The following NUCB2 variants were observed in gnomAD, a reference collection of about 807,000 sequenced individuals.
The protein encoded by NUCB2 is nucleobindin 2.
Under a neutral mutation model 57.9 loss-of-function variants are expected in NUCB2, and 48 were observed. The observed-to-expected ratio is 0.83, with a 90% CI of 0.66 to 1.05. The LOEUF is 1.05. Among genes scored for constraint, NUCB2 ranks in the 50% least tolerant of loss-of-function variants. The pLI is 0.00. For synonymous variants in NUCB2, 139 were observed against 152.1 expected (o/e 0.91, Z 0.64); for missense variants, 442 against 476.2 (o/e 0.93, Z 0.67).
chr11:17,338,100 G>A (rs1455410955), intron 2 of NUCB2, among the ~76,000 whole-genome samples: 1 of 152,188 alleles, frequency 6.6e-6, no homozygotes, highest in Non-Finnish European at 1.5e-5. Flanking sequence ...AAGTGGTGAA[G>A]ACACCAAATT....
chr11:17,348,319 G>GTTTTTTTTTTTTTTTTTTTTTT (rs55741571), intron 2 of NUCB2, among the ~76,000 whole-genome samples: 1 of 84,450 alleles, frequency 1.2e-5, no homozygotes, highest in Non-Finnish European at 2.1e-5. Flanking sequence ...TTGTTTTTGT[G>GTTTTTTTTTTTTTTTTTTTTTT]TTTTTTTTTT....
intron 11 of NUCB2, among the ~76,000 whole-genome samples, chr11:17,319,405 T>C (rs530654203): frequency 5.9e-5 from 9 of 152,266 alleles, no homozygotes; most frequent in African/African-American, 2.2e-4. Flanking sequence ...TACCTTATTC[T>C]TTCCCTGACC....
At chr11:17,323,629 A>C (rs1461713444) in intron 11 of NUCB2, among the ~76,000 whole-genome samples, 1 of 152,138 alleles carries the variant, frequency 6.6e-6, no homozygotes, top group Non-Finnish European at 1.5e-5. Flanking sequence ...TTTTTGGAAT[A>C]GTTTGAGTAG....
In NUCB2 at chr11:17,310,924, T is replaced by A; in HGVS notation, c.583T>A (p.Leu195Met). 1 of 1,591,200 alleles carries A rather than the reference T, an allele frequency of 6.3e-7. No individual in the cohort carries two copies. Among genetic ancestry groups the A allele is most frequent in the South Asian group, 1.2e-5 (1 of 85,854 alleles). ...EHERREYLKT[L>M]NEEKRKEEES... ...TGAAAGGAGAGAATATTTAAAAACA[T>A]TGAATGAAGAAAAGAGAAAAGAAGA... Residue 195 changes from leucine (L) to methionine (M), a missense_variant, in exon 7 of 14, where the codon TTG becomes ATG. Coordinates refer to ENST00000529010, the MANE Select transcript of NUCB2 (RefSeq NM_005013.4).
intron 2 of NUCB2, among the ~76,000 whole-genome samples, chr11:17,342,206 T>C (rs536978039): frequency 2.1e-4 from 32 of 152,342 alleles, no homozygotes; most frequent in South Asian, 6.2e-4. Context: ...TTCTTCTCTC[T>C]TTTCTTCTTT....
intron 3 of NUCB2, 199 bp downstream of exon 3, chr11:17,295,666 C>G: frequency 1.8e-6 from 1 of 553,480 alleles, no homozygotes; most frequent in Non-Finnish European, 3.1e-6. Flanking sequence ...AGAGTATTGG[C>G]CAAGCATATG....
At chr11:17,290,887 T>C (rs906345855) in intron 2 of NUCB2, among the ~76,000 whole-genome samples, 4 of 152,224 alleles carry the variant, frequency 2.6e-5, no homozygotes, top group African/African-American at 9.6e-5. Flanking sequence ...TTTTTTGCTC[T>C]ATTTTTACTC....
At chr11:17,285,232 C>T (rs1016276864) in intron 2 of NUCB2, among the ~76,000 whole-genome samples, 7 of 151,928 alleles carry the variant, frequency 4.6e-5, no homozygotes, top group Non-Finnish European at 1.0e-4. Flanking sequence ...TCAAGACCAT[C>T]CTGGCTAACA....
intron 11 of NUCB2, among the ~76,000 whole-genome samples, chr11:17,329,433 TG>T (rs962780842): frequency 1.4e-4 from 22 of 152,240 alleles, no homozygotes; most frequent in African/African-American, 5.1e-4. Flanking sequence ...TCAGCCCGCA[TG>T]GTGAGGCCTG....
intron 1 of NUCB2, among the ~76,000 whole-genome samples, chr11:17,282,240 A>ATCTATCTATC (rs1206325646): frequency 3.7e-4 from 40 of 107,020 alleles, no homozygotes; most frequent in African/African-American, 1.1e-3. Context: ...ATCTATCTAT[A>ATCTATCTATC]TATATATATA....
chr11:17,345,364 AATT>A (rs1952630063), intron 2 of NUCB2, among the ~76,000 whole-genome samples: 1 of 152,196 alleles, frequency 6.6e-6, no homozygotes, highest in Admixed American at 6.5e-5. Context: ...TGTTATTACT[AATT>A]ATTGGGAGAA....
intron 11 of NUCB2, among the ~76,000 whole-genome samples, chr11:17,318,287 G>A (rs965279877): frequency 1.3e-5 from 2 of 151,466 alleles, no homozygotes; most frequent in Admixed American, 6.6e-5. Flanking sequence ...AAAGTACTGG[G>A]ATTACATATG....
At chr11:17,301,542 G>A (rs941310378) in intron 4 of NUCB2, among the ~76,000 whole-genome samples, 1 of 152,106 alleles carries the variant, frequency 6.6e-6, no homozygotes, top group Non-Finnish European at 1.5e-5. Context: ...GCCTCCCAAA[G>A]TGCTGGGATT....
At chr11:17,311,439 C>A (rs1948468290) in intron 8 of NUCB2, among the ~76,000 whole-genome samples, 156 bp downstream of exon 8, 1 of 152,156 alleles carries the variant, frequency 6.6e-6, no homozygotes, top group Admixed American at 6.5e-5. Flanking sequence ...TTATTGCTCA[C>A]CTGCAGTATA....
intron 11 of NUCB2, among the ~76,000 whole-genome samples, chr11:17,327,429 GT>G (rs2139388334): frequency 6.6e-6 from 1 of 152,280 alleles, no homozygotes; most frequent in East Asian, 1.9e-4. Flanking sequence ...TCTGACGTGA[GT>G]TAAATCTGCT....
chr11:17,278,170 CTTTTTTTTTTTTT>C (rs35441492), intron 1 of NUCB2, among the ~76,000 whole-genome samples: 7 of 85,130 alleles, frequency 8.2e-5, no homozygotes, highest in Admixed American at 1.6e-4. Flanking sequence ...TTTTACCCAT[CTTTTTTTTTTTTT>C]TTTTTTTTTT....
intron 2 of NUCB2, among the ~76,000 whole-genome samples, chr11:17,341,629 C>T (rs1391748778): frequency 3.3e-5 from 5 of 151,216 alleles, no homozygotes; most frequent in African/African-American, 7.3e-5. Flanking sequence ...TATTGATTTG[C>T]GTATGTTGAA....
rs1008241626 is a variant in NUCB2, at chr11:17,330,450, G to A, written c.1173+153G>A. 6.6e-6 allele frequency among the ~76,000 whole-genome samples: 1 copy of A among 152,028 alleles called. No homozygotes were observed. Among genetic ancestry groups the A allele is most frequent in the African/African-American group, 2.4e-5 (1 of 41,410 alleles). On this transcript the variant is annotated intron_variant, in intron 12 of 13. Transcript: ENST00000529010. This position sits in a 1 kb window ranked among gnomAD's most constrained non-coding sequence, Gnocchi z 4.3. ...TTTTAATACTTTAAAACTGTTTTGT[G>A]GAATATTAATCTAAATTTTATTTTA...
chr11:17,308,456 G>A (rs535741569), intron 5 of NUCB2, among the ~76,000 whole-genome samples: 1 of 152,272 alleles, frequency 6.6e-6, no homozygotes, highest in East Asian at 1.9e-4. Context: ...AGTTCACACA[G>A]ATAGTGCTAA....
Sources: allele counts gnomAD v4.1 joint callset (sites outside exome capture counted in the v4.1 genomes callset), GRCh38; gene constraint gnomAD v4.1.1; non-coding constraint Gnocchi (gnomAD v3.1); transcripts MANE v1.5; gene names NCBI Gene and HGNC (gene_info 2026-07-23, HGNC 2026-07-21).